The following CALCOCO2 variants were observed in gnomAD, a reference collection of about 807,000 sequenced individuals.
The protein encoded by CALCOCO2 is calcium binding and coiled-coil domain 2, also known as calcium-binding and coiled-coil domain-containing protein 2.
Under a neutral mutation model 62.5 loss-of-function variants are expected in CALCOCO2, and 42 were observed. The observed-to-expected ratio is 0.67, with a 90% CI of 0.53 to 0.87. The LOEUF (loss-of-function observed/expected upper bound fraction) is 0.87. Among genes scored for constraint, CALCOCO2 ranks in the 40% least tolerant of loss-of-function variants. The pLI is 0.00. For synonymous variants in CALCOCO2, 167 were observed against 173.0 expected (o/e 0.97, Z 0.27); for missense variants, 456 against 515.0 (o/e 0.89, Z 1.11).
At chr17:48,861,031 C>A (rs944426744) in intron 11 of CALCOCO2, among the ~76,000 whole-genome samples, 1 of 152,158 alleles carries the variant, frequency 6.6e-6, no homozygotes, top group African/African-American at 2.4e-5. Flanking sequence ...TTTAGAGTTA[C>A]AACCAGATGT....
intron 1 of CALCOCO2, among the ~76,000 whole-genome samples, chr17:48,837,668 A>G (rs530625122): frequency 1.1e-4 from 16 of 152,016 alleles, no homozygotes; most frequent in Admixed American, 1.0e-3. Context: ...GGAAAGAAAA[A>G]CTTTTGAGGT....
intron 10 of CALCOCO2, among the ~76,000 whole-genome samples, chr17:48,858,037 T>TAG (rs1166889968): frequency 0.044 from 706 of 15,880 alleles, 120 homozygotes; most frequent in Non-Finnish European, 0.095. Flanking sequence ...TAGAATAGAA[T>TAG]AGAATAGAAA....
rs2040228259 is a variant in CALCOCO2 at position 48,857,162 on chromosome 17, C to T, written c.1008+975C>T. 4.6e-5 allele frequency among the ~76,000 whole-genome samples: 7 copies of T among 151,368 alleles called. No homozygotes were observed. The South Asian group carries it at 1.5e-3, about 32-fold the overall frequency. The stretch of plus-strand genomic sequence containing the variant: ...TGTCCATGCATTCTGGCTGCTACTC[C>T]TGTATCTATACTTCCATCAATTCTT... On this transcript the variant is annotated intron_variant, in intron 10 of 12. Coordinates refer to ENST00000258947, the MANE Select transcript of CALCOCO2 (RefSeq NM_005831.5).
rs79816571 is a variant in CALCOCO2 at position 48,838,587 on chromosome 17, G to A, written c.-10-3111G>A. 2.7e-3 allele frequency among the ~76,000 whole-genome samples: 404 copies of A among 152,154 alleles called. 2 individuals carry two copies. The highest frequency in any genetic ancestry group is 4.8e-3 in the African/African-American group (198 of 41,496). On this transcript the variant is annotated intron_variant, in intron 1 of 12. Transcript: ENST00000258947. ...AAACTGGCCGGGCATGGTGGCAGGC[G>A]TCTGTAGTGCCAGCTACTCGGGAGG...
intron 1 of CALCOCO2, among the ~76,000 whole-genome samples, chr17:48,835,626 C>T (rs1454363720): frequency 1.3e-5 from 2 of 152,198 alleles, no homozygotes; most frequent in East Asian, 3.8e-4. Flanking sequence ...TTTGACTATA[C>T]ACTCAAGCCT....
rs367938946 is a variant in CALCOCO2 at position 48,863,440 on chromosome 17, C to G, written c.*435C>G. On this transcript the variant is annotated 3_prime_UTR_variant, in exon 13 of 13. Transcript: ENST00000258947. The stretch of plus-strand genomic sequence containing the variant: ...TTGGTCCGAGGTTGAGAATTCCTTC[C>G]TCCTCATCCTTGGTGTTGCTTTCTC... 1 of 169,780 alleles carries G rather than the reference C, an allele frequency of 5.9e-6. No homozygotes were observed. The highest frequency in any genetic ancestry group is 5.5e-5 in the Admixed American group (1 of 18,114). 10.5% of individuals were successfully genotyped at this position (169,780 alleles called of 1,614,324 possible).
intron 10 of CALCOCO2, chr17:48,856,632 A>G (rs1020742929): frequency 1.3e-5 from 6 of 453,464 alleles, no homozygotes; most frequent in Non-Finnish European, 2.2e-5. Context: ...CCCCTAATAA[A>G]TGCTGTGCAT....
chr17:48,832,775 T>G (rs1381945609), intron 1 of CALCOCO2, among the ~76,000 whole-genome samples: 8 of 152,192 alleles, frequency 5.3e-5, no homozygotes, highest in Non-Finnish European at 8.8e-5. Context: ...ATGGTCTCAG[T>G]AAAATGGAGA....
chr17:48,861,630 T>C (rs1400743023), intron 11 of CALCOCO2, among the ~76,000 whole-genome samples: 1 of 95,134 alleles, frequency 1.1e-5, no homozygotes, highest in Non-Finnish European at 2.0e-5. Context: ...GTATAACATA[T>C]ATATATATGT....
chr17:48,841,863 A>G lies in CALCOCO2; in HGVS notation c.156A>G (p.Arg52=), dbSNP rs752535564. 3.1e-6 allele frequency: 5 copies of G among 1,612,596 alleles called. No individual in the cohort carries two copies. The highest frequency in any genetic ancestry group is 1.3e-5 in the African/African-American group (1 of 74,896). ...TCACCCAGCATTTCATCCCTCGTCG[A>G]AAGGATTGGATTGGCATCTTTAGAG... ...YTFTQHFIPR[R]KDWIGIFRVG... The change falls in exon 2 of 13, where the codon CGA becomes CGG. Residue 52 remains arginine (R), a synonymous_variant. Coordinates refer to ENST00000258947, the MANE Select transcript of CALCOCO2 (RefSeq NM_005831.5).
At chr17:48,858,046 A>ATAGAATAG in intron 10 of CALCOCO2, among the ~76,000 whole-genome samples, 1,859 of 39,762 alleles carry the variant, frequency 0.047, 384 homozygotes, top group Non-Finnish European at 0.057. Context: ...ATAGAATAGA[A>ATAGAATAG]AATAGAATAG....
chr17:48,858,050 A>G (rs560872787), intron 10 of CALCOCO2, among the ~76,000 whole-genome samples: 4 of 140,030 alleles, frequency 2.9e-5, no homozygotes, highest in Non-Finnish European at 6.3e-5. Context: ...AATAGAAAAT[A>G]GAATAGAATA....
At chr17:48,843,166 C>T (rs1249199815) in intron 2 of CALCOCO2, among the ~76,000 whole-genome samples, 1 of 152,170 alleles carries the variant, frequency 6.6e-6, no homozygotes, top group Non-Finnish European at 1.5e-5. Flanking sequence ...CTCTTAGTGA[C>T]CTCTTCCAGT....
chr17:48,845,071 G>A (rs987188816), intron 2 of CALCOCO2, among the ~76,000 whole-genome samples: 1 of 152,068 alleles, frequency 6.6e-6, no homozygotes, highest in Non-Finnish European at 1.5e-5. Flanking sequence ...AAGAGGCAGA[G>A]GTTGCAGTGA....
chr17:48,836,255 TTGAACCAGCCATGCCAGC>T (rs2039889072), intron 1 of CALCOCO2, among the ~76,000 whole-genome samples: 1 of 152,174 alleles, frequency 6.6e-6, no homozygotes, highest in South Asian at 2.1e-4. Context: ...ACCATGCCAC[TTGAACCAGCCATGCCAGC>T]TGAACCAGCC....
chr17:48,836,463 C>T (rs1598022834), intron 1 of CALCOCO2, among the ~76,000 whole-genome samples: 1 of 152,264 alleles, frequency 6.6e-6, no homozygotes, highest in Middle Eastern at 3.4e-3. Context: ...CTACAAAGCC[C>T]CTTCCTTTTT....
At chr17:48,861,682 C>CTG (rs10540361) in intron 11 of CALCOCO2, among the ~76,000 whole-genome samples, 2,959 of 131,944 alleles carry the variant, frequency 0.022, 63 homozygotes, top group African/African-American at 0.046. Flanking sequence ...TATATAAAGC[C>CTG]TGTGTGTGTG....
chr17:48,861,661 G>GTATATATATATATGTGTGTGTATA (rs2040329326), intron 11 of CALCOCO2, among the ~76,000 whole-genome samples: 4 of 135,158 alleles, frequency 3.0e-5, no homozygotes, highest in African/African-American at 5.9e-5. Flanking sequence ...ATGTGTGTGT[G>GTATATATATATATGTGTGTGTATA]TATATATATA....
At chr17:48,855,222 G>T (rs934302626) in intron 9 of CALCOCO2, among the ~76,000 whole-genome samples, 1 of 152,146 alleles carries the variant, frequency 6.6e-6, no homozygotes, top group Admixed American at 6.6e-5. Flanking sequence ...TATCAAGCAG[G>T]TTTCTGTGCA....
Sources: gnomAD v4.1 joint callset for allele counts (sites outside exome capture counted in the v4.1 genomes callset) on GRCh38, gnomAD v4.1.1 for gene constraint, MANE v1.5 for transcripts, NCBI Gene and HGNC (gene_info 2026-07-23, HGNC 2026-07-21) for gene names.